FMN1: variants seen among roughly 807,000 people sequenced by gnomAD.
The protein encoded by FMN1 is formin 1.
In FMN1, 110 loss-of-function variants were observed where a neutral mutation model predicts 132.4. That is an observed-to-expected ratio of 0.83 (90% CI 0.71 to 0.97). FMN1 has a LOEUF of 0.97. Ranked by LOEUF, FMN1 falls within the 50% of genes least tolerant of loss-of-function variation. FMN1 has a pLI of 0.00. For missense variants in FMN1, 1,792 were observed against 1,705.3 expected, an observed-to-expected ratio of 1.05 and a Z score of -0.90; for synonymous variants, 722 against 651.7, an observed-to-expected ratio of 1.11 and a Z score of -1.64.
At chr15:33,094,899 A>C (rs1461835389) in intron 4 of FMN1, among the ~76,000 whole-genome samples, 2 of 152,192 alleles carry the variant, frequency 1.3e-5, no homozygotes, top group African/African-American at 2.4e-5. Context: ...GTAAGTCCTG[A>C]TGCAGAAAAG....
intron 12 of FMN1, among the ~76,000 whole-genome samples, chr15:32,907,440 GA>G (rs1263595384): frequency 2.6e-5 from 4 of 152,142 alleles, no homozygotes; most frequent in African/African-American, 9.7e-5. Flanking sequence ...GATCTGACAG[GA>G]GGCGGAGCTC....
At chr15:32,984,285 T>C (rs2032909432) in intron 7 of FMN1, among the ~76,000 whole-genome samples, 1 of 152,206 alleles carries the variant, frequency 6.6e-6, no homozygotes, top group Admixed American at 6.5e-5. Flanking sequence ...TTTTCTTTTA[T>C]GCAATAGATT....
chr15:33,064,640 C>CA (rs2037634621), intron 6 of FMN1: 1 of 200,872 alleles, frequency 5.0e-6, no homozygotes, highest in South Asian at 1.1e-4. Flanking sequence ...TGCCAGCTCA[C>CA]AAAATTGTAT....
intron 7 of FMN1, among the ~76,000 whole-genome samples, chr15:32,988,536 T>C (rs2033227302): frequency 6.6e-6 from 1 of 152,204 alleles, no homozygotes. Context: ...TCACTTAGAC[T>C]GTAGTCAACA....
At chr15:32,944,608 T>C (rs562312849) in intron 9 of FMN1, among the ~76,000 whole-genome samples, 2 of 152,172 alleles carry the variant, frequency 1.3e-5, no homozygotes, top group South Asian at 2.1e-4. Flanking sequence ...CACCAAGAAA[T>C]GTGAAAAGGC....
chr15:33,062,933 T>G (rs2037553095), intron 6 of FMN1: 1 of 152,162 alleles, frequency 6.6e-6, no homozygotes, highest in South Asian at 2.1e-4. Flanking sequence ...TATGAACTGA[T>G]TATACTAGAA....
chr15:33,075,438 C>T (rs1357412806), intron 5 of FMN1, among the ~76,000 whole-genome samples: 1 of 152,136 alleles, frequency 6.6e-6, no homozygotes, highest in Non-Finnish European at 1.5e-5. Flanking sequence ...CTCCGCATGC[C>T]CCAGCCGCAA....
intron 4 of FMN1, among the ~76,000 whole-genome samples, chr15:33,092,470 G>C (rs757275549): frequency 6.6e-6 from 1 of 152,074 alleles, no homozygotes; most frequent in African/African-American, 2.4e-5. Flanking sequence ...TGTAAACAAT[G>C]TGACAGTGTG....
intron 6 of FMN1, among the ~76,000 whole-genome samples, chr15:33,053,647 T>C (rs1444287654): frequency 6.6e-6 from 1 of 152,142 alleles, no homozygotes; most frequent in South Asian, 2.1e-4. Context: ...TCAAGTTTGA[T>C]AATTTCCTGG....
intron 9 of FMN1, among the ~76,000 whole-genome samples, chr15:32,959,556 C>A (rs2030264531): frequency 6.6e-6 from 1 of 152,172 alleles, no homozygotes. Flanking sequence ...CCTCCACTTA[C>A]AGAGAAAAGC....
intron 16 of FMN1, among the ~76,000 whole-genome samples, chr15:32,866,825 TCTC>T (rs2059403382): frequency 6.6e-6 from 1 of 152,158 alleles, no homozygotes; most frequent in Admixed American, 6.5e-5. Context: ...CTTGACTACT[TCTC>T]CTTTGTAAAA....
intron 7 of FMN1, among the ~76,000 whole-genome samples, chr15:33,004,180 A>G (rs1217380754): frequency 6.6e-6 from 1 of 152,296 alleles, no homozygotes; most frequent in East Asian, 1.9e-4. Flanking sequence ...CAACAAAACC[A>G]AAATTGACAA....
At chr15:33,161,133 C>G (rs1019224332) in intron 3 of FMN1, among the ~76,000 whole-genome samples, 1 of 152,216 alleles carries the variant, frequency 6.6e-6, no homozygotes, top group Non-Finnish European at 1.5e-5. Context: ...CCCTGTGACT[C>G]CATCTGAGCC....
chr15:33,094,122 G>A (rs775275279), intron 4 of FMN1, among the ~76,000 whole-genome samples: 14 of 152,178 alleles, frequency 9.2e-5, no homozygotes, highest in Non-Finnish European at 1.3e-4. Flanking sequence ...TTAAGAGCGT[G>A]GGTACAGGGC....
intron 6 of FMN1, among the ~76,000 whole-genome samples, chr15:33,037,811 T>TA (rs2036255735): frequency 6.6e-6 from 1 of 152,204 alleles, no homozygotes; most frequent in Non-Finnish European, 1.5e-5. Context: ...CTTAAACACT[T>TA]ACTAAGATTT....
chr15:33,069,991 C>CTTTTTTTTTTTTTTTTT (rs1566888327), intron 5 of FMN1, among the ~76,000 whole-genome samples: 1 of 59,554 alleles, frequency 1.7e-5, no homozygotes. Flanking sequence ...ATCAGTCTTT[C>CTTTTTTTTTTTTTTTTT]TCTTTTTTTT....
chr15:33,018,111 A>T (rs1402471001), intron 6 of FMN1, among the ~76,000 whole-genome samples: 1 of 151,704 alleles, frequency 6.6e-6, no homozygotes, highest in East Asian at 1.9e-4. Context: ...CTACCCCCTT[A>T]AGGTGATGGT....
At chr15:33,111,600 T>A (rs1266262596) in intron 4 of FMN1, among the ~76,000 whole-genome samples, 1 of 152,144 alleles carries the variant, frequency 6.6e-6, no homozygotes, top group African/African-American at 2.4e-5. Flanking sequence ...TATGAATGGA[T>A]AAACAAAATG....
chr15:33,065,740 T>C (rs2141249860), intron 5 of FMN1, among the ~76,000 whole-genome samples: 1 of 152,328 alleles, frequency 6.6e-6, no homozygotes, highest in African/African-American at 2.4e-5. Flanking sequence ...ATACACTGAA[T>C]TGATATTAAG....
Sources: gnomAD v4.1 joint callset for allele counts (sites outside exome capture counted in the v4.1 genomes callset) on GRCh38, gnomAD v4.1.1 for gene constraint, MANE v1.5 for transcripts, NCBI Gene and HGNC (gene_info 2026-07-23, HGNC 2026-07-21) for gene names.